The following RNF11 variants were observed in gnomAD, a reference collection of about 807,000 sequenced individuals.
RNF11 encodes ring finger protein 11.
In RNF11, 4 loss-of-function variants were observed where a neutral mutation model predicts 15.8. That is an observed-to-expected ratio of 0.25 (90% CI 0.12 to 0.58). The LOEUF (loss-of-function observed/expected upper bound fraction) is 0.58, where lower values mean the gene tolerates loss of function less well. Ranked by LOEUF, RNF11 falls within the 20% of genes least tolerant of loss-of-function variation. The probability of loss-of-function intolerance (pLI) is 0.91; values close to 1 mark genes in which losing one functional copy is unlikely to be tolerated. For synonymous variants in RNF11, 68 were observed against 72.3 expected (o/e 0.94, Z 0.30); for missense variants, 139 against 194.4 (o/e 0.71, Z 1.70).
intron 1 of RNF11, chr1:51,250,833 A>G (rs1030511973): frequency 7.3e-7 from 1 of 1,371,300 alleles, no homozygotes; most frequent in Non-Finnish European, 1.0e-6. Context: ...GATACCAGCC[A>G]TCATGAGCAG....
At chr1:51,259,056 T>C (rs1460295485) in intron 1 of RNF11, among the ~76,000 whole-genome samples, 1 of 152,342 alleles carries the variant, frequency 6.6e-6, no homozygotes, top group Non-Finnish European at 1.5e-5. Context: ...CAGCCTTGTT[T>C]TGTCCTGTTT....
chr1:51,263,104 G>A (rs944371233), intron 1 of RNF11, among the ~76,000 whole-genome samples: 1 of 152,162 alleles, frequency 6.6e-6, no homozygotes, highest in Non-Finnish European at 1.5e-5. Context: ...GGGATTGTAA[G>A]ATGGTGCAGG....
intron 1 of RNF11, among the ~76,000 whole-genome samples, chr1:51,267,672 T>G (rs1282018911): frequency 6.6e-6 from 1 of 152,242 alleles, no homozygotes; most frequent in African/African-American, 2.4e-5. Context: ...GAAGCAGGTG[T>G]TGAACATAAA....
chr1:51,262,012 C>G (rs993736607), intron 1 of RNF11, among the ~76,000 whole-genome samples: 1 of 152,114 alleles, frequency 6.6e-6, no homozygotes, highest in African/African-American at 2.4e-5. Flanking sequence ...ATACCACCAC[C>G]CCCAGCTAAT....
At chr1:51,248,639 T>C (rs993261928) in intron 1 of RNF11, among the ~76,000 whole-genome samples, 12 of 152,206 alleles carry the variant, frequency 7.9e-5, no homozygotes, top group African/African-American at 2.4e-4. Context: ...AAATAGTACA[T>C]AATCAATTAT....
intron 1 of RNF11, among the ~76,000 whole-genome samples, chr1:51,244,076 C>T (rs1646841516): frequency 1.3e-5 from 2 of 152,194 alleles, no homozygotes; most frequent in Non-Finnish European, 2.9e-5. Flanking sequence ...TATTCATGCA[C>T]CATTCTTAAG....
At chr1:51,268,562 A>G (rs1363578255) in intron 1 of RNF11, among the ~76,000 whole-genome samples, 1 of 152,228 alleles carries the variant, frequency 6.6e-6, no homozygotes, top group African/African-American at 2.4e-5. Context: ...CTAGCCTCTG[A>G]AAAACCCATA....
chr1:51,240,205 A>T (rs776570961), intron 1 of RNF11, among the ~76,000 whole-genome samples: 2 of 152,086 alleles, frequency 1.3e-5, no homozygotes, highest in Non-Finnish European at 2.9e-5. Context: ...CCTTGTTTCC[A>T]CGCATGTCCC....
At position 51,270,092 on chromosome 1, in the gene RNF11, C is replaced by G; in HGVS notation, c.260C>G (p.Pro87Arg). 2 of 1,608,774 alleles carry G rather than the reference C, an allele frequency of 1.2e-6. No individual in the cohort carries two copies. The highest frequency in any genetic ancestry group is 1.7e-6 in the Non-Finnish European group (2 of 1,178,508). ...CATCTGCCTAAAGGAGTTTATGACC[C>G]TGGAAGAGATGGATCAGAAAAAAAG... ...IQHLPKGVYDPGRDGSEKKIR... is the reference protein window; with the variant it reads ...IQHLPKGVYDRGRDGSEKKIR... The change falls in exon 2 of 3, where the codon CCT becomes CGT. Residue 87 changes from proline (P) to arginine (R), a missense_variant. Transcript: ENST00000242719.
intron 1 of RNF11, among the ~76,000 whole-genome samples, chr1:51,257,853 C>CTTTTTTTTTTTTTTTTTTTTTTTTTTT (rs1245365473): frequency 9.9e-5 from 9 of 91,268 alleles, no homozygotes; most frequent in African/African-American, 4.4e-4. Flanking sequence ...CTTTTCTTTT[C>CTTTTTTTTTTTTTTTTTTTTTTTTTTT]TTTTTTTTTT....
chr1:51,257,516 A>G (rs927073637), intron 1 of RNF11, among the ~76,000 whole-genome samples: 27 of 152,094 alleles, frequency 1.8e-4, no homozygotes, highest in Non-Finnish European at 3.4e-4. Context: ...ATACAATGGC[A>G]CAATCTCAGC....
Position 51,236,661 on chromosome 1 carries a change from C to G in RNF11, c.-96C>G, listed in dbSNP as rs1646804266. ...TCCGCCTGATCCCCGGCCTGTCGCC[C>G]GACCCCACCTCGCCAACCGAGGCGG... is the stretch of plus-strand genomic sequence containing the variant. On this transcript the variant is annotated 5_prime_UTR_variant, in exon 1 of 3. Coordinates refer to ENST00000242719, the MANE Select transcript of RNF11 (RefSeq NM_014372.5). 1.3e-6 allele frequency: 2 copies of G among 1,542,338 alleles called. No individual in the cohort carries two copies. The highest frequency in any genetic ancestry group is 1.2e-5 in the South Asian group (1 of 84,750).
chr1:51,238,933 T>G (rs897448874), intron 1 of RNF11, among the ~76,000 whole-genome samples: 2 of 152,164 alleles, frequency 1.3e-5, no homozygotes, highest in Non-Finnish European at 2.9e-5. Context: ...TTTCACCATG[T>G]TGGTCAGGCT....
At chr1:51,243,718 C>T (rs1310293155) in intron 1 of RNF11, among the ~76,000 whole-genome samples, 3 of 152,228 alleles carry the variant, frequency 2.0e-5, no homozygotes, top group Admixed American at 1.3e-4. Context: ...GGATTACAGG[C>T]GTGAGCCACC....
rs1646981198 is a variant in RNF11 at position 51,271,972 on chromosome 1, A to C, written c.*650A>C. On this transcript the variant is annotated 3_prime_UTR_variant, in exon 3 of 3. Transcript: ENST00000242719. ...TTGCAGTTAGGAAATGCAGAATTCA[A>C]AGTGATCTCCTAGCTTGTAAGCAAA... 6.6e-6 allele frequency: 1 copy of C among 152,616 alleles called. No homozygotes were observed. The highest frequency in any genetic ancestry group is 6.5e-5 in the Admixed American group (1 of 15,278). The allele number at this position is 152,616 out of a possible 1,614,324, so 9.5% of individuals were successfully genotyped here.
At chr1:51,264,283 A>G (rs1302988991) in intron 1 of RNF11, among the ~76,000 whole-genome samples, 2 of 75,334 alleles carry the variant, frequency 2.7e-5, no homozygotes, top group African/African-American at 5.9e-5. Context: ...AAAAAAAAAA[A>G]AAAAATATAT....
chr1:51,259,433 T>A (rs1241022152), intron 1 of RNF11, among the ~76,000 whole-genome samples: 1 of 152,216 alleles, frequency 6.6e-6, no homozygotes, highest in African/African-American at 2.4e-5. Flanking sequence ...GTGGAAATAT[T>A]TAGCACAGTA....
At chr1:51,268,296 C>A (rs1342734024) in intron 1 of RNF11, among the ~76,000 whole-genome samples, 1 of 152,154 alleles carries the variant, frequency 6.6e-6, no homozygotes, top group Non-Finnish European at 1.5e-5. Flanking sequence ...CATTTCCTTT[C>A]CTCTATGGTT....
intron 1 of RNF11, among the ~76,000 whole-genome samples, chr1:51,267,731 A>G (rs771357605): frequency 3.3e-5 from 5 of 152,156 alleles, no homozygotes; most frequent in South Asian, 2.1e-4. Flanking sequence ...CCCCAAATCC[A>G]TATCTTTTTT....
Sources: gnomAD v4.1 joint callset for allele counts (sites outside exome capture counted in the v4.1 genomes callset) on GRCh38, gnomAD v4.1.1 for gene constraint, MANE v1.5 for transcripts, NCBI Gene and HGNC (gene_info 2026-07-23, HGNC 2026-07-21) for gene names.